Variants in CTNNA3 observed in about 807,000 individuals in gnomAD.
CTNNA3 encodes the protein catenin alpha 3, also known as catenin alpha-3.
In CTNNA3, 76 loss-of-function variants were observed where a neutral mutation model predicts 95.7. That is an observed-to-expected ratio of 0.79 (90% confidence interval 0.66 to 0.96). The LOEUF (loss-of-function observed/expected upper bound fraction) is 0.96, where lower values mean the gene tolerates loss of function less well. Among genes scored for constraint, CTNNA3 ranks in the 40% least tolerant of loss-of-function variants. CTNNA3 has a pLI of 0.00. For missense variants in CTNNA3, 1,191 were observed against 1,089.8 expected, an observed-to-expected ratio of 1.09 and a Z score of -1.31; for synonymous variants, 431 against 374.4, an observed-to-expected ratio of 1.15 and a Z score of -1.74.
chr10:67,380,769 G>T (rs1285973952), intron 5 of CTNNA3, among the ~76,000 whole-genome samples: 1 of 152,204 alleles, frequency 6.6e-6, no homozygotes, highest in Non-Finnish European at 1.5e-5. Flanking sequence ...GATATGATTT[G>T]AGTAAGGGAG....
At chr10:67,585,222 T>G (rs1348482547) in intron 3 of CTNNA3, among the ~76,000 whole-genome samples, 1 of 152,220 alleles carries the variant, frequency 6.6e-6, no homozygotes, top group African/African-American at 2.4e-5. Context: ...ATATTTTTGA[T>G]GTGCTGTTGG....
chr10:67,588,532 G>C (rs1259131322), intron 3 of CTNNA3, among the ~76,000 whole-genome samples: 1 of 124,166 alleles, frequency 8.1e-6, no homozygotes, highest in African/African-American at 4.4e-5. Flanking sequence ...TGAATTTATG[G>C]GGGGGGGACT....
intron 11 of CTNNA3, among the ~76,000 whole-genome samples, chr10:66,514,725 TA>T (rs1472616003): frequency 1.3e-5 from 2 of 152,158 alleles, no homozygotes; most frequent in Admixed American, 1.3e-4. Context: ...AACGAAGGAA[TA>T]AATAAAAGAA....
At chr10:67,073,708 A>T (rs2061001071) in intron 7 of CTNNA3, among the ~76,000 whole-genome samples, 1 of 152,182 alleles carries the variant, frequency 6.6e-6, no homozygotes. Context: ...TGAACAAAAG[A>T]TCAAAAAAAA....
At chr10:66,987,213 A>T (rs1207322440) in intron 7 of CTNNA3, among the ~76,000 whole-genome samples, 2 of 152,166 alleles carry the variant, frequency 1.3e-5, no homozygotes. Flanking sequence ...TAAGGACTTA[A>T]CTTTTTCTCT....
chr10:66,171,812 A>G (rs1336884658), intron 13 of CTNNA3, among the ~76,000 whole-genome samples: 1 of 152,134 alleles, frequency 6.6e-6, no homozygotes, highest in African/African-American at 2.4e-5. Flanking sequence ...TTGAAAATTT[A>G]ATTACATACT....
intron 11 of CTNNA3, among the ~76,000 whole-genome samples, chr10:66,483,270 AT>A (rs1431829533): frequency 6.6e-6 from 1 of 152,162 alleles, no homozygotes; most frequent in Non-Finnish European, 1.5e-5. Context: ...GAAAACAAGA[AT>A]GTTTATTTGT....
At chr10:67,646,006 A>G (rs1024399530) in intron 2 of CTNNA3, among the ~76,000 whole-genome samples, 3 of 149,138 alleles carry the variant, frequency 2.0e-5, no homozygotes, top group Admixed American at 1.3e-4. Flanking sequence ...CTTTAATATT[A>G]CAAAGTACAA....
chr10:67,732,024 C>T (rs1012942964), intron 1 of CTNNA3, among the ~76,000 whole-genome samples: 8 of 150,842 alleles, frequency 5.3e-5, no homozygotes, highest in African/African-American at 1.9e-4. Context: ...TTATGATCCA[C>T]CCACCTCGGC....
chr10:66,861,995 A>G (rs1843948916), intron 7 of CTNNA3, among the ~76,000 whole-genome samples: 1 of 152,160 alleles, frequency 6.6e-6, no homozygotes, highest in South Asian at 2.1e-4. Context: ...AAGGCTTATG[A>G]CCTGAGGTCA....
At chr10:67,283,769 T>G (rs1365101494) in intron 5 of CTNNA3, among the ~76,000 whole-genome samples, 1 of 152,208 alleles carries the variant, frequency 6.6e-6, no homozygotes, top group Non-Finnish European at 1.5e-5. Flanking sequence ...CACTCTGCCT[T>G]ATGCCCCTCG....
intron 9 of CTNNA3, among the ~76,000 whole-genome samples, chr10:66,696,753 T>A (rs1343612822): frequency 6.9e-6 from 1 of 145,484 alleles, no homozygotes; most frequent in Admixed American, 7.1e-5. Context: ...GGCAATAAAG[T>A]GAAACTCTGT....
chr10:67,481,330 T>G lies in CTNNA3; in HGVS notation c.579+40512A>C, dbSNP rs774757713. Reference sequence around the variant, plus strand: ...ATGCATCCACATAGGAAAAAAAGAATTCAAATGATCTCTCTTCACTGACAA... The same window carrying G: ...ATGCATCCACATAGGAAAAAAAGAAGTCAAATGATCTCTCTTCACTGACAA... On this transcript the variant is annotated intron_variant, in intron 5 of 17. Coordinates refer to ENST00000433211, the MANE Select transcript of CTNNA3 (RefSeq NM_013266.4). Among the ~76,000 whole-genome samples, 79 of 152,122 alleles carry G rather than the reference T, an allele frequency of 5.2e-4. 4 individuals are homozygous for G. The highest frequency in any genetic ancestry group is 2.4e-4 in the Non-Finnish European group (16 of 68,010).
chr10:67,692,122 G>A (rs1299225212), intron 1 of CTNNA3, among the ~76,000 whole-genome samples: 2 of 151,070 alleles, frequency 1.3e-5, no homozygotes, highest in South Asian at 2.1e-4. Context: ...GAGGTGGGGG[G>A]TCAGCCCCCT....
chr10:66,778,383 G>A (rs1005162380), intron 7 of CTNNA3, among the ~76,000 whole-genome samples: 5 of 152,064 alleles, frequency 3.3e-5, no homozygotes, highest in African/African-American at 1.2e-4. Context: ...AATGAGCTCG[G>A]ACTAAAGGTG....
At chr10:67,467,897 G>T (rs1010301494) in intron 5 of CTNNA3, among the ~76,000 whole-genome samples, 1 of 151,774 alleles carries the variant, frequency 6.6e-6, no homozygotes, top group East Asian at 1.9e-4. Flanking sequence ...TTTTTGTAGA[G>T]ACTGAGTCTT....
chr10:67,299,529 A>G (rs1589139594), intron 5 of CTNNA3, among the ~76,000 whole-genome samples: 2 of 152,120 alleles, frequency 1.3e-5, no homozygotes, highest in South Asian at 4.1e-4. Flanking sequence ...CTCCCGTGTA[A>G]AGTCACCCTG....
At chr10:67,416,533 G>T (rs189812033) in intron 5 of CTNNA3, among the ~76,000 whole-genome samples, 2,413 of 150,646 alleles carry the variant, frequency 0.016, 28 homozygotes, top group Non-Finnish European at 0.025. Context: ...GCGTGAACCC[G>T]GGGGGCGGAG....
intron 5 of CTNNA3, among the ~76,000 whole-genome samples, chr10:67,255,662 T>C (rs1315842814): frequency 2.0e-5 from 3 of 152,146 alleles, no homozygotes; most frequent in African/African-American, 7.2e-5. Flanking sequence ...TGATAAGCAG[T>C]GAAGGTGAGA....
Sources: gnomAD v4.1 joint callset for allele counts (sites outside exome capture counted in the v4.1 genomes callset) on GRCh38, gnomAD v4.1.1 for gene constraint, MANE v1.5 for transcripts, NCBI Gene and HGNC (gene_info 2026-07-23, HGNC 2026-07-21) for gene names.